Variants in DOK6 observed in about 807,000 individuals in gnomAD.
DOK6 encodes docking protein 6.
A neutral mutation model predicts 44.0 loss-of-function variants in DOK6; 22 were observed. The ratio of observed to expected loss-of-function variants is 0.50; its 90% CI spans 0.36 to 0.71. DOK6 has a LOEUF of 0.71. DOK6 is among the 30% of genes least tolerant of loss of function. DOK6 has a pLI of 0.00. For synonymous variants in DOK6, 166 were observed against 145.5 expected, an observed-to-expected ratio of 1.14 and a Z score of -1.01; for missense variants, 340 against 416.4, an observed-to-expected ratio of 0.82 and a Z score of 1.60.
At chr18:69,466,723 G>T (rs1979938557) in intron 1 of DOK6, among the ~76,000 whole-genome samples, 1 of 151,590 alleles carries the variant, frequency 6.6e-6, no homozygotes, top group East Asian at 1.9e-4. Flanking sequence ...AACAATGTGT[G>T]TGATATAGTC....
intron 5 of DOK6, among the ~76,000 whole-genome samples, chr18:69,704,341 C>G (rs1378782796): frequency 6.6e-6 from 1 of 152,146 alleles, no homozygotes; most frequent in Non-Finnish European, 1.5e-5. Context: ...TCCCTTTTCT[C>G]TCTTCTTCCT....
chr18:69,669,597 C>T (rs757137556), intron 3 of DOK6, among the ~76,000 whole-genome samples: 28 of 152,112 alleles, frequency 1.8e-4, no homozygotes, highest in Admixed American at 4.6e-4. Flanking sequence ...CGAACATTTT[C>T]AGTACTTTCA....
chr18:69,794,148 A>C (rs1980677728), intron 7 of DOK6, among the ~76,000 whole-genome samples: 1 of 152,150 alleles, frequency 6.6e-6, no homozygotes. Flanking sequence ...TATGGTGGTC[A>C]TCACTTGGAT....
intron 1 of DOK6, among the ~76,000 whole-genome samples, chr18:69,524,162 C>T (rs1158479096): frequency 2.6e-5 from 4 of 152,076 alleles, no homozygotes; most frequent in Non-Finnish European, 4.4e-5. Flanking sequence ...GTTTGAGAAA[C>T]ATGTTAATTG....
intron 4 of DOK6, among the ~76,000 whole-genome samples, chr18:69,695,110 T>C (rs1986361816): frequency 6.6e-6 from 1 of 152,256 alleles, no homozygotes; most frequent in African/African-American, 2.4e-5. Flanking sequence ...TTCCTCATGA[T>C]TTCTCTAATA....
rs149022601 is a variant in DOK6 at position 69,791,556 on chromosome 18, C to T, written c.856+33683C>T. 9.4e-4 allele frequency among the ~76,000 whole-genome samples: 143 copies of T among 152,186 alleles called. 2 individuals are homozygous for T. The highest frequency in any genetic ancestry group is 6.8e-3 in the Middle Eastern group (2 of 294). On this transcript the variant is annotated intron_variant, in intron 7 of 7. Transcript: ENST00000382713. ...TGTTTGCCATTCGTATGTCTTCTTT[C>T]GAGAAATGTCTATCCGGATCTTTTG...
At chr18:69,822,065 A>G (rs972041812) in intron 7 of DOK6, among the ~76,000 whole-genome samples, 1 of 152,170 alleles carries the variant, frequency 6.6e-6, no homozygotes, top group Non-Finnish European at 1.5e-5. Context: ...AACTCTCCCT[A>G]TGAAACTATC....
chr18:69,443,191 G>T (rs79876065), intron 1 of DOK6, among the ~76,000 whole-genome samples: 181 of 152,302 alleles, frequency 1.2e-3, no homozygotes, highest in Non-Finnish European at 1.9e-3. Context: ...GTTCCAGGTT[G>T]TTAATTTGAA....
chr18:69,652,012 G>A (rs1985242658), intron 3 of DOK6, among the ~76,000 whole-genome samples: 1 of 152,208 alleles, frequency 6.6e-6, no homozygotes, highest in African/African-American at 2.4e-5. Context: ...TGGTCAGCTA[G>A]TGTCCTTGTG....
At chr18:69,466,160 T>C (rs2122481180) in intron 1 of DOK6, among the ~76,000 whole-genome samples, 1 of 152,278 alleles carries the variant, frequency 6.6e-6, no homozygotes, top group South Asian at 2.1e-4. Context: ...ACAAACATTA[T>C]TCTATTCCTC....
intron 1 of DOK6, among the ~76,000 whole-genome samples, chr18:69,537,179 T>C (rs1982147774): frequency 6.6e-6 from 1 of 152,084 alleles, no homozygotes; most frequent in Non-Finnish European, 1.5e-5. Flanking sequence ...CATAAAATTA[T>C]TCACAAGGAA....
intron 3 of DOK6, chr18:69,647,495 G>A (rs1347726776): frequency 7.2e-5 from 11 of 152,184 alleles, no homozygotes. Context: ...CCATGAAGAT[G>A]CAAACAAACA....
intron 3 of DOK6, among the ~76,000 whole-genome samples, chr18:69,603,815 TTACTC>T (rs1193812956): frequency 3.0e-4 from 45 of 150,526 alleles, no homozygotes; most frequent in Non-Finnish European, 1.2e-4. Flanking sequence ...GTGGAAAACT[TTACTC>T]AGTTCTTGTT....
intron 1 of DOK6, among the ~76,000 whole-genome samples, chr18:69,535,022 A>G (rs528555623): frequency 1.2e-4 from 19 of 152,086 alleles, no homozygotes; most frequent in Non-Finnish European, 2.2e-4. Flanking sequence ...CTCAGGCTAT[A>G]TCAATGTGCT....
intron 1 of DOK6, among the ~76,000 whole-genome samples, chr18:69,563,130 T>C (rs1004824860): frequency 2.6e-5 from 4 of 152,082 alleles, no homozygotes; most frequent in African/African-American, 7.2e-5. Context: ...AGAATGGCGA[T>C]CATTAAAAAG....
Position 69,849,006 on chromosome 18 carries a change from T to G in DOK6, c.*7623T>G, listed in dbSNP as rs1471856897. 6.6e-6 allele frequency: 1 copy of G among 152,228 alleles called. No individual in the cohort carries two copies. Among genetic ancestry groups the G allele is most frequent in the Admixed American group, 6.5e-5 (1 of 15,290 alleles). The allele number at this position is 152,228 out of a possible 1,614,324, so 9.4% of individuals were successfully genotyped here. A position where few individuals can be genotyped will look rare whatever the true frequency, so the allele number is the denominator to read the frequency against. On this transcript the variant is annotated 3_prime_UTR_variant, in exon 8 of 8. Transcript: ENST00000382713. Reference sequence around the variant, plus strand: ...AATTCTGACAATCATATTCTGCTAATGTTTAAAATGTTACTTATTCCTTCA... The same window carrying G: ...AATTCTGACAATCATATTCTGCTAAGGTTTAAAATGTTACTTATTCCTTCA...
Position 69,645,915 on chromosome 18 carries a change from G to A in DOK6, c.290-31819G>A, listed in dbSNP as rs190309090. ...AATAATTCTTTTGTCGATTCTTCTG[G>A]AATGTTCCACTACTGTCTTATTTTG... On this transcript the variant is annotated intron_variant, in intron 3 of 7. Transcript: ENST00000382713. Among the ~76,000 whole-genome samples, 19 of 152,178 alleles carry A rather than the reference G, an allele frequency of 1.2e-4. No homozygotes were observed. In the East Asian group the frequency reaches 3.5e-3, roughly 28 times the overall value.
chr18:69,703,556 C>T (rs1986568383), intron 5 of DOK6, among the ~76,000 whole-genome samples: 1 of 152,094 alleles, frequency 6.6e-6, no homozygotes, highest in South Asian at 2.1e-4. Flanking sequence ...TGATGTCAAC[C>T]CCCATTCTCA....
intron 7 of DOK6, among the ~76,000 whole-genome samples, chr18:69,787,746 C>T (rs1980475074): frequency 1.3e-5 from 2 of 152,066 alleles, no homozygotes; most frequent in South Asian, 4.1e-4. Context: ...TTAGCTAAGA[C>T]AGATACATGA....
Sources: allele counts gnomAD v4.1 joint callset (sites outside exome capture counted in the v4.1 genomes callset), GRCh38; gene constraint gnomAD v4.1.1; transcripts MANE v1.5; gene names NCBI Gene and HGNC (gene_info 2026-07-23, HGNC 2026-07-21).